GBF1: variants seen among roughly 807,000 people sequenced by gnomAD.
The protein encoded by GBF1 is Golgi-specific brefeldin A-resistance guanine nucleotide exchange factor 1.
A neutral mutation model predicts 210.5 loss-of-function variants in GBF1; 114 were observed. That is an observed-to-expected ratio of 0.54 (90% CI 0.47 to 0.63). The LOEUF (loss-of-function observed/expected upper bound fraction) is 0.63. Ranked by LOEUF, GBF1 falls within the 30% of genes least tolerant of loss-of-function variation. GBF1 has a pLI of 0.00. For synonymous variants in GBF1, 850 were observed against 889.2 expected, an observed-to-expected ratio of 0.96 and a Z score of 0.78; for missense variants, 1,851 against 2,357.7, an observed-to-expected ratio of 0.79 and a Z score of 4.45.
intron 4 of GBF1, among the ~76,000 whole-genome samples, chr10:102,350,260 GA>G (rs1565143364): frequency 1.3e-5 from 2 of 151,522 alleles, no homozygotes; most frequent in Non-Finnish European, 2.9e-5. Flanking sequence ...TCAGGCAGGA[GA>G]ATCGCTTGAA....
chr10:102,366,390 A>G lies in GBF1; in HGVS notation c.2317A>G (p.Ser773Gly). Residue 773 changes from serine to glycine, a missense_variant, in exon 19 of 40, where the codon AGT (serine) becomes GGT (glycine). This residue lies in a region of GBF1 where 804 missense variants were observed against 958.6 expected (regional missense o/e 0.84). Transcript: ENST00000369983. This position sits in a 1 kb window ranked among gnomAD's most constrained non-coding sequence, Gnocchi z 4.0. ...DLLESFVSTF[S>G]FQGLRLDEAL... ...TCCTTTCTTTCCCTATAGCACCTTC[A>G]GTTTTCAGGGTCTGCGACTGGACGA... The G allele has an allele frequency of 6.2e-7, 1 of 1,613,960 alleles. No homozygotes were observed.
At chr10:102,232,085 G>A in the GBF1 span, 1 of 1,554,508 alleles carries the variant, frequency 6.4e-7, no homozygotes, top group East Asian at 2.3e-5. Context: ...CTCCATGGAG[G>A]GAGGGCTCTG....
intron 4 of GBF1, among the ~76,000 whole-genome samples, chr10:102,346,194 G>T (rs536673461): frequency 3.3e-4 from 50 of 152,048 alleles, no homozygotes; most frequent in Non-Finnish European, 5.3e-4. Flanking sequence ...TATTGGCCAG[G>T]CTGGTCTCAA....
chr10:102,297,580 C>T (rs2077011656), intron 3 of GBF1, among the ~76,000 whole-genome samples: 1 of 152,342 alleles, frequency 6.6e-6, no homozygotes, highest in South Asian at 2.1e-4. Flanking sequence ...AGTCTTTCTA[C>T]TATTCCAGCT....
At chr10:102,368,538 T>A in intron 22 of GBF1, 84 bp downstream of exon 22, 2 of 905,970 alleles carry the variant, frequency 2.2e-6, no homozygotes, top group Non-Finnish European at 3.6e-6. Flanking sequence ...TGACTCCTAC[T>A]GTTACTTCAT....
chr10:102,381,823 GAAAAAAAAAAAA>G (rs386372282), intron 39 of GBF1, among the ~76,000 whole-genome samples: 7 of 19,116 alleles, frequency 3.7e-4, no homozygotes, highest in East Asian at 1.7e-3. Flanking sequence ...ACCCTGTCGC[GAAAAAAAAAAAA>G]AAAAAAAAAA....
At chr10:102,239,002 T>G in the GBF1 span, among the ~76,000 whole-genome samples, 3 of 152,172 alleles carry the variant, frequency 2.0e-5, no homozygotes, top group African/African-American at 7.2e-5. Context: ...ATCACTCCAG[T>G]TCTAAAAGGC....
At position 102,286,194 on chromosome 10, in the gene GBF1, GTTTT is replaced by G. The variant is rs55904022; in HGVS notation, c.163+26098_163+26101del. 2.4e-5 allele frequency among the ~76,000 whole-genome samples: 3 copies of G among 126,374 alleles called. No individual in the cohort carries two copies. In the East Asian group the frequency reaches 7.1e-4, roughly 30 times the overall value. The allele number at this position is 126,374 out of a possible 152,430, so 82.9% of individuals were successfully genotyped here. ...GATTTGGGGATGTAAAAGCATAAGG[GTTTT>G]TTTTTTTTTTTTTTTTTTTCTGTCT... is the stretch of plus-strand genomic sequence containing the variant. On this transcript the variant is annotated intron_variant, in intron 3 of 39. Transcript: ENST00000369983.
At chr10:102,381,063 G>A in intron 38 of GBF1, 64 bp from the exon 39 acceptor site, 2 of 1,533,320 alleles carry the variant, frequency 1.3e-6, no homozygotes, top group Non-Finnish European at 1.8e-6. Context: ...CTGTTGGGTA[G>A]CTAGGGCTCT....
chr10:102,266,384 T>C (rs1468951153), intron 3 of GBF1, among the ~76,000 whole-genome samples: 1 of 152,236 alleles, frequency 6.6e-6, no homozygotes, highest in East Asian at 1.9e-4. Flanking sequence ...TGCTTCTAAC[T>C]GATATTTATT....
chr10:102,232,081 G>A, the GBF1 span: 1 of 1,584,612 alleles, frequency 6.3e-7, no homozygotes, highest in Non-Finnish European at 8.6e-7. Flanking sequence ...CGAACTCCAT[G>A]GAGGGAGGGC....
chr10:102,262,419 CTTTT>C (rs2073354553), intron 3 of GBF1, among the ~76,000 whole-genome samples: 1 of 151,924 alleles, frequency 6.6e-6, no homozygotes, highest in African/African-American at 2.4e-5. Flanking sequence ...ATTTACAGTT[CTTTT>C]TGTTTGGTTT....
At chr10:102,327,322 G>A (rs914855552) in intron 3 of GBF1, among the ~76,000 whole-genome samples, 2 of 152,220 alleles carry the variant, frequency 1.3e-5, no homozygotes, top group Admixed American at 6.5e-5. Context: ...GTGGAGAGGG[G>A]AGGGGTGTGC....
At chr10:102,381,360 G>A (rs999138582) in intron 39 of GBF1, 105 bp downstream of exon 39, 10 of 1,169,446 alleles carry the variant, frequency 8.6e-6, no homozygotes, top group South Asian at 1.4e-5. Flanking sequence ...TCTGTGAGCC[G>A]AGGGAAGAAG....
chr10:102,230,719 A>C, the GBF1 span: 1 of 1,541,498 alleles, frequency 6.5e-7, no homozygotes, highest in South Asian at 1.2e-5. Flanking sequence ...AGGGCAGGAC[A>C]CGGCCCCGGA....
intron 1 of GBF1, 55 bp from the exon 2 acceptor site, chr10:102,258,874 G>A (rs1590513013): frequency 3.4e-6 from 3 of 875,056 alleles, no homozygotes; most frequent in South Asian, 2.7e-5. Flanking sequence ...TTAAACTTGG[G>A]TATGCTTTGG....
chr10:102,320,079 G>T (rs938923134), intron 3 of GBF1, among the ~76,000 whole-genome samples: 1 of 151,694 alleles, frequency 6.6e-6, no homozygotes, highest in African/African-American at 2.4e-5. Flanking sequence ...TATTTTTTAC[G>T]TCATCCAGTA....
At chr10:102,239,650 G>A in the GBF1 span, among the ~76,000 whole-genome samples, 1 of 152,236 alleles carries the variant, frequency 6.6e-6, no homozygotes, top group East Asian at 1.9e-4. Context: ...AAGAAAGGTT[G>A]AAACCACTGT....
the GBF1 span, among the ~76,000 whole-genome samples, chr10:102,237,949 G>T: frequency 6.6e-6 from 1 of 151,866 alleles, no homozygotes. Context: ...TTGTATCCAG[G>T]GGTGTGACAA....
Sources: allele counts gnomAD v4.1 joint callset (sites outside exome capture counted in the v4.1 genomes callset), GRCh38; gene constraint gnomAD v4.1.1; regional missense constraint gnomAD v4.1.1; non-coding constraint Gnocchi (gnomAD v3.1); transcripts MANE v1.5; gene names NCBI Gene and HGNC (gene_info 2026-07-23, HGNC 2026-07-21).